Variants in ROS1 observed in about 807,000 individuals in gnomAD.
ROS1 encodes ROS proto-oncogene 1, receptor tyrosine kinase.
A neutral mutation model predicts 273.5 loss-of-function variants in ROS1; 263 were observed. The ratio of observed to expected loss-of-function variants is 0.96; its 90% CI spans 0.87 to 1.06. ROS1 has a LOEUF of 1.06. ROS1 is among the 50% of genes least tolerant of loss of function. ROS1 has a pLI of 0.00. For missense variants in ROS1, 2,833 were observed against 2,751.1 expected, an observed-to-expected ratio of 1.03 and a Z score of -0.67; for synonymous variants, 1,008 against 954.1, an observed-to-expected ratio of 1.06 and a Z score of -1.04.
rs1027136895 is a variant in ROS1 at position 117,347,212 on chromosome 6, T to C, written c.4304-2950A>G. ...CTATCTATGACATGGAATATCTCTA[T>C]ACTTATTTAGCACTTTGATTTCTTT... On this transcript the variant is annotated intron_variant, in intron 27 of 43. Transcript: ENST00000368507. Among the ~76,000 whole-genome samples the C allele has an allele frequency of 2.0e-5, 3 of 152,202 alleles. No individual in the cohort carries two copies. The South Asian group carries it at 6.2e-4, about 31-fold the overall frequency.
chr6:117,341,075 G>A, intron 31 of ROS1, 60 bp downstream of exon 31: 1 of 1,144,944 alleles, frequency 8.7e-7, no homozygotes, highest in East Asian at 2.4e-5. Flanking sequence ...CTAGATGCAT[G>A]AAAAAGCCCT....
chr6:117,366,307 C>A lies in ROS1; in HGVS notation c.2583-17G>T. ...TCCCCAGTGCTGCTAAAACATAACA[C>A]CAATTAGTGTGTGTTTCTGGAGTGG... On this transcript the variant is annotated splice_polypyrimidine_tract_variant and intron_variant, in intron 18 of 43. Coordinates refer to ENST00000368507, the MANE Select transcript of ROS1 (RefSeq NM_001378902.1). 6.3e-7 allele frequency: 1 copy of A among 1,592,588 alleles called. No homozygotes were observed. Among genetic ancestry groups the A allele is most frequent in the South Asian group, 1.1e-5 (1 of 90,624 alleles).
intron 17 of ROS1, 75 bp downstream of exon 17, chr6:117,383,242 T>C: frequency 8.4e-7 from 1 of 1,191,232 alleles, no homozygotes; most frequent in Non-Finnish European, 1.2e-6. Context: ...GTACTCACAA[T>C]AAGCGAGAGA....
intron 7 of ROS1, among the ~76,000 whole-genome samples, 169 bp from the exon 8 acceptor site, chr6:117,397,285 C>A (rs770805111): frequency 7.2e-5 from 11 of 151,916 alleles, no homozygotes; most frequent in South Asian, 2.1e-4. Context: ...ATGTCTAAAC[C>A]AGTTCGCTCC....
intron 39 of ROS1, among the ~76,000 whole-genome samples, chr6:117,314,397 C>T (rs1775753945): frequency 6.6e-6 from 1 of 152,078 alleles, no homozygotes; most frequent in Non-Finnish European, 1.5e-5. Context: ...AGCTGTTTTT[C>T]ACTATGGAAG....
chr6:117,404,482 A>T, intron 5 of ROS1, 54 bp from the exon 6 acceptor site: 1 of 1,554,440 alleles, frequency 6.4e-7, no homozygotes, highest in Non-Finnish European at 8.8e-7. Context: ...TCAGCGCAAG[A>T]GAGTGTGTGC....
intron 42 of ROS1, among the ~76,000 whole-genome samples, chr6:117,306,922 T>C (rs1017965479): frequency 2.6e-5 from 4 of 152,136 alleles, no homozygotes; most frequent in Admixed American, 2.6e-4. Context: ...GCTTGATGCA[T>C]GGCTTATTTT....
intron 39 of ROS1, among the ~76,000 whole-genome samples, chr6:117,315,503 G>A (rs565570673): frequency 6.6e-6 from 1 of 152,226 alleles, no homozygotes; most frequent in East Asian, 1.9e-4. Context: ...TCAGGAATCA[G>A]AGTGGCATAA....
intron 35 of ROS1, 102 bp from the exon 36 acceptor site, chr6:117,321,496 C>G (rs935177780): frequency 7.5e-6 from 7 of 937,004 alleles, no homozygotes; most frequent in African/African-American, 1.7e-5. Context: ...TGCAAGAACA[C>G]TATCAGTAGA....
chr6:117,354,524 T>C, intron 26 of ROS1, among the ~76,000 whole-genome samples: 1 of 152,306 alleles, frequency 6.6e-6, no homozygotes, highest in Middle Eastern at 3.4e-3. Flanking sequence ...AAAACTAATA[T>C]TCATAATTGT....
intron 3 of ROS1, among the ~76,000 whole-genome samples, chr6:117,414,914 A>G (rs1775222104): frequency 6.6e-6 from 1 of 152,266 alleles, no homozygotes; most frequent in East Asian, 1.9e-4. Context: ...AGCAAAGGAC[A>G]GCAGATTCCT....
chr6:117,370,044 T>C (rs1298671230), intron 18 of ROS1, among the ~76,000 whole-genome samples: 2 of 152,176 alleles, frequency 1.3e-5, no homozygotes, highest in Non-Finnish European at 2.9e-5. Context: ...TACATATGAA[T>C]GCATATGGAT....
chr6:117,367,757 T>C (rs905341676), intron 18 of ROS1, among the ~76,000 whole-genome samples: 1 of 152,214 alleles, frequency 6.6e-6, no homozygotes, highest in Non-Finnish European at 1.5e-5. Context: ...GGTATAACAC[T>C]AATAAATCTG....
chr6:117,358,759 T>C (rs1193394420), intron 24 of ROS1, among the ~76,000 whole-genome samples: 1 of 152,102 alleles, frequency 6.6e-6, no homozygotes, highest in African/African-American at 2.4e-5. Context: ...TGTGTGCAGC[T>C]TGAACTAGTC....
chr6:117,373,861 C>T lies in ROS1; in HGVS notation c.2582+5198G>A, dbSNP rs150785053. On this transcript the variant is annotated intron_variant, in intron 18 of 43. Transcript: ENST00000368507. ...TCTCAGCACTGCTATATACCAACAG[C>T]GACCAAGCTGAGAATCAAATCAATA... Among the ~76,000 whole-genome samples the T allele has an allele frequency of 2.6e-3, 394 of 152,320 alleles. 1 individual carries two copies. In the Middle Eastern group the frequency reaches 0.027, roughly 11 times the overall value.
At position 117,397,092 on chromosome 6, in the gene ROS1, C is replaced by G; in HGVS notation, c.629G>C (p.Arg210Thr). 2 of 1,613,246 alleles carry G rather than the reference C, an allele frequency of 1.2e-6. No individual in the cohort carries two copies. The highest frequency in any genetic ancestry group is 1.7e-6 in the Non-Finnish European group (2 of 1,179,370). Residue 210 changes from arginine (R) to threonine (T), a missense_variant, in exon 8 of 44, where the codon AGG becomes ACG. By Grantham distance (71) the Arg-to-Thr change is moderately conservative. Transcript: ENST00000368507. ...GTCGGGACTTGAGCTCTCAATATTC[C>G]TAATCAAAGGTGCAGTTTCAGGAAC... Reference protein sequence around the residue: ...HGVPETAPLIRNIESSSPDTV... With the variant: ...HGVPETAPLITNIESSSPDTV...
chr6:117,357,815 A>G lies in ROS1; in HGVS notation c.3828T>C (p.Tyr1276=), dbSNP rs780738813. Residue 1276 remains tyrosine, a synonymous_variant, in exon 25 of 44, where the codon TAT becomes TAC. Coordinates refer to ENST00000368507, the MANE Select transcript of ROS1 (RefSeq NM_001378902.1). The part of the protein sequence containing the change: ...RNSTIISFSV[Y]PLLSRLYWTE... ...TTGCATTTACATACCTTAAAAGAGG[A>G]TATACAGAAAAAGAAATTATTGTTG... is the stretch of plus-strand genomic sequence containing the variant. 7 of 1,598,166 alleles carry G rather than the reference A, an allele frequency of 4.4e-6. No homozygotes were observed. In the South Asian group the frequency reaches 7.7e-5, roughly 18 times the overall value.
intron 43 of ROS1, among the ~76,000 whole-genome samples, chr6:117,296,879 C>T (rs1213976576): frequency 1.3e-5 from 2 of 152,146 alleles, no homozygotes; most frequent in African/African-American, 4.8e-5. Context: ...GATTATTACA[C>T]ATTACATGCC....
intron 32 of ROS1, among the ~76,000 whole-genome samples, chr6:117,333,671 A>G (rs1777259870): frequency 6.6e-6 from 1 of 152,186 alleles, no homozygotes; most frequent in African/African-American, 2.4e-5. Flanking sequence ...CTGGGATGCA[A>G]GGCTGATTCA....
Sources: gnomAD v4.1 joint callset for allele counts (sites outside exome capture counted in the v4.1 genomes callset) on GRCh38, gnomAD v4.1.1 for gene constraint, MANE v1.5 for transcripts, NCBI Gene and HGNC (gene_info 2026-07-23, HGNC 2026-07-21) for gene names.